The following ALDH5A1 variants were observed in gnomAD, a reference collection of about 807,000 sequenced individuals.
ALDH5A1 encodes the protein succinate-semialdehyde dehydrogenase, mitochondrial.
In ALDH5A1, 33 loss-of-function variants were observed where a neutral mutation model predicts 54.7. The ratio of observed to expected loss-of-function variants is 0.60; its 90% CI spans 0.46 to 0.81. ALDH5A1 has a LOEUF of 0.81. ALDH5A1 is among the 30% of genes least tolerant of loss of function. The probability of loss-of-function intolerance (pLI) is 0.00; values close to 1 mark genes in which losing one functional copy is unlikely to be tolerated. For synonymous variants in ALDH5A1, 294 were observed against 292.7 expected (o/e 1.00, Z -0.05); for missense variants, 657 against 711.0 (o/e 0.92, Z 0.86).
At chr6:24,498,461 A>C (rs1292234796) in intron 1 of ALDH5A1, among the ~76,000 whole-genome samples, 2 of 152,090 alleles carry the variant, frequency 1.3e-5, no homozygotes, top group African/African-American at 4.8e-5. Context: ...ATGGTGTTAC[A>C]CTGCAGGGGT....
At chr6:24,513,901 G>C (rs1336655823) in intron 4 of ALDH5A1, among the ~76,000 whole-genome samples, 1 of 152,172 alleles carries the variant, frequency 6.6e-6, no homozygotes, top group African/African-American at 2.4e-5. Flanking sequence ...GTAATTTGTG[G>C]TTTGTGGAGA....
intron 7 of ALDH5A1, among the ~76,000 whole-genome samples, chr6:24,527,263 C>A (rs1759830980): frequency 1.3e-5 from 2 of 151,834 alleles, no homozygotes; most frequent in Admixed American, 1.3e-4. Context: ...TAGACCACAT[C>A]CAGTGCATCT....
intron 7 of ALDH5A1, among the ~76,000 whole-genome samples, chr6:24,525,544 AAAAG>A (rs1298949143): frequency 4.6e-5 from 7 of 151,876 alleles, no homozygotes; most frequent in Non-Finnish European, 8.8e-5. Context: ...AAAAAAAAAA[AAAAG>A]AAAAGAAAAA....
At chr6:24,531,152 T>A (rs1356751828) in intron 8 of ALDH5A1, among the ~76,000 whole-genome samples, 1 of 152,244 alleles carries the variant, frequency 6.6e-6, no homozygotes, top group Non-Finnish European at 1.5e-5. Flanking sequence ...CTGTACCGTC[T>A]TATCCAGGAC....
At position 24,503,222 on chromosome 6, in the gene ALDH5A1, A is replaced by T. The variant is rs1023847329; in HGVS notation, c.439-41A>T. ...AGGAACACAGAGCCATGCTTTTATTATTAGAAGGTAATACGTGGGTTCTTT... is the reference window on the plus strand; with the variant it reads ...AGGAACACAGAGCCATGCTTTTATTTTTAGAAGGTAATACGTGGGTTCTTT... On this transcript the variant is annotated intron_variant, in intron 2 of 9. Transcript: ENST00000357578. The T allele has an allele frequency of 2.5e-6, 4 of 1,603,590 alleles. No individual in the cohort carries two copies. The African/African-American group carries it at 5.3e-5, about 21-fold the overall frequency.
At position 24,531,748 on chromosome 6, in the gene ALDH5A1, C is replaced by T. The variant is rs78424624; in HGVS notation, c.1344-371C>T. Among the ~76,000 whole-genome samples, 69 of 152,308 alleles carry T rather than the reference C, an allele frequency of 4.5e-4. No individual in the cohort carries two copies. The East Asian group carries it at 0.012, about 26-fold the overall frequency. On this transcript the variant is annotated intron_variant, in intron 8 of 9. Transcript: ENST00000357578. ...CCTTCTGAACGTTTTCTTTCTGCTA[C>T]ATCAGGCTTGCTTCTAAAGTAGTTG... is the stretch of plus-strand genomic sequence containing the variant.
rs551621244 is a variant in ALDH5A1 at position 24,498,419 on chromosome 6, C to A, written c.354+3069C>A. On this transcript the variant is annotated intron_variant, in intron 1 of 9. Transcript: ENST00000357578. The stretch of plus-strand genomic sequence containing the variant: ...CCCCTAGCATCATTCTGGAGTCCCA[C>A]AAGGCCCCACGAAGATCAAGGCTGC... 2.0e-5 allele frequency among the ~76,000 whole-genome samples: 3 copies of A among 152,300 alleles called. No individual in the cohort carries two copies. The East Asian group carries it at 5.8e-4, about 29-fold the overall frequency.
chr6:24,499,460 AT>A (rs11315269), intron 1 of ALDH5A1, among the ~76,000 whole-genome samples: 49,778 of 150,306 alleles, frequency 0.33, 8,547 homozygotes, highest in African/African-American at 0.39. Flanking sequence ...GAATGAATTA[AT>A]TTTTTTTTTA....
rs1329362572 is a variant in ALDH5A1 at position 24,534,299 on chromosome 6, C to T, written c.*587C>T. 1 of 154,976 alleles carries T rather than the reference C, an allele frequency of 6.5e-6. No homozygotes were observed. The highest frequency in any genetic ancestry group is 2.4e-5 in the African/African-American group (1 of 41,472). The allele number at this position is 154,976 out of a possible 1,614,324, so 9.6% of individuals were successfully genotyped here. ...CGTGCTTCTGTGAGGCACGAAGGAGCACCTCTCCCTATTCCTGAACCATAT... is the reference window on the plus strand; with the variant it reads ...CGTGCTTCTGTGAGGCACGAAGGAGTACCTCTCCCTATTCCTGAACCATAT... On this transcript the variant is annotated 3_prime_UTR_variant, in exon 10 of 10. Transcript: ENST00000357578.
chr6:24,517,764 G>C lies in ALDH5A1; in HGVS notation c.870+2454G>C, dbSNP rs554790976. Among the ~76,000 whole-genome samples the C allele has an allele frequency of 6.0e-4, 91 of 152,330 alleles. 1 individual carries two copies. Among genetic ancestry groups the C allele is most frequent in the African/African-American group, 1.7e-3 (69 of 41,568 alleles). ...AAGTATAGCTGAAGGGATAACTGAT[G>C]CATAACTAAGCAAGCACCTCTGCTG... On this transcript the variant is annotated intron_variant, in intron 5 of 9. Coordinates refer to ENST00000357578, the MANE Select transcript of ALDH5A1 (RefSeq NM_001080.3).
At chr6:24,495,483 A>G (rs1764681238) in intron 1 of ALDH5A1, 133 bp downstream of exon 1, 1 of 908,962 alleles carries the variant, frequency 1.1e-6, no homozygotes, top group African/African-American at 1.7e-5. Context: ...TACAAAGTGG[A>G]AAGTCAGAGC....
chr6:24,528,932 C>T (rs1759873872), intron 8 of ALDH5A1, among the ~76,000 whole-genome samples: 1 of 152,018 alleles, frequency 6.6e-6, no homozygotes, highest in Non-Finnish European at 1.5e-5. Context: ...CTGCCTCTGC[C>T]TCCCAAAGTG....
intron 4 of ALDH5A1, among the ~76,000 whole-genome samples, chr6:24,506,324 GCTCACTGCAAC>G (rs1454709968): frequency 3.1e-5 from 4 of 127,206 alleles, no homozygotes; most frequent in Admixed American, 2.9e-4. Flanking sequence ...CGCAATCTTG[GCTCACTGCAAC>G]CTCTGCCTCC....
At chr6:24,522,460 C>CT (rs934885918) in intron 6 of ALDH5A1, among the ~76,000 whole-genome samples, 6 of 90,584 alleles carry the variant, frequency 6.6e-5, no homozygotes, top group Admixed American at 6.6e-4. Flanking sequence ...GATTGGGTGG[C>CT]TTTTTTTTCT....
At chr6:24,498,597 C>G (rs933373079) in intron 1 of ALDH5A1, among the ~76,000 whole-genome samples, 1 of 152,226 alleles carries the variant, frequency 6.6e-6, no homozygotes, top group African/African-American at 2.4e-5. Context: ...GTCTGTGCCC[C>G]TTGAACATTA....
intron 6 of ALDH5A1, chr6:24,522,503 G>T (rs796243738): frequency 2.5e-6 from 1 of 392,632 alleles, no homozygotes; most frequent in Non-Finnish European, 4.9e-6. Flanking sequence ...GTGTGTGTGT[G>T]TACAGGTGCT....
intron 3 of ALDH5A1, among the ~76,000 whole-genome samples, chr6:24,504,452 A>G (rs1759295104): frequency 6.6e-6 from 1 of 152,208 alleles, no homozygotes; most frequent in Non-Finnish European, 1.5e-5. Context: ...CCCACTGCCT[A>G]TGTTTGTAAA....
chr6:24,526,964 A>ATCTATATATATATATC (rs1759819158), intron 7 of ALDH5A1, among the ~76,000 whole-genome samples: 1 of 16,760 alleles, frequency 6.0e-5, no homozygotes, highest in African/African-American at 1.3e-4. Flanking sequence ...ATATATATAT[A>ATCTATATATATATATC]TGTGTGTGTG....
At chr6:24,529,123 CA>C (rs1759876931) in intron 8 of ALDH5A1, among the ~76,000 whole-genome samples, 1 of 152,054 alleles carries the variant, frequency 6.6e-6, no homozygotes, top group Non-Finnish European at 1.5e-5. Context: ...ATTTTAGGTT[CA>C]ACCCTTTGGA....
Sources: allele counts gnomAD v4.1 joint callset (sites outside exome capture counted in the v4.1 genomes callset), GRCh38; gene constraint gnomAD v4.1.1; transcripts MANE v1.5; gene names NCBI Gene and HGNC (gene_info 2026-07-23, HGNC 2026-07-21).